Variants in MGRN1 observed in about 807,000 individuals in gnomAD.
The protein encoded by MGRN1 is E3 ubiquitin-protein ligase MGRN1.
In MGRN1, 29 loss-of-function variants were observed where a neutral mutation model predicts 69.2. The ratio of observed to expected loss-of-function variants is 0.42; its 90% confidence interval spans 0.31 to 0.57. The LOEUF is 0.57. MGRN1 is among the 20% of genes least tolerant of loss of function. The pLI, the probability that MGRN1 is intolerant of heterozygous loss-of-function variation, is 0.15. For missense variants in MGRN1, 998 were observed against 796.2 expected (o/e 1.25, Z -3.05); for synonymous variants, 470 against 344.2 (o/e 1.37, Z -4.04).
intron 1 of MGRN1, among the ~76,000 whole-genome samples, chr16:4,626,972 C>A (rs2141810666): frequency 6.6e-6 from 1 of 152,314 alleles, no homozygotes; most frequent in Admixed American, 6.5e-5. Flanking sequence ...TTCCCTGGGG[C>A]CTTGCAGATA....
At chr16:4,635,228 A>T (rs1056115472) in intron 1 of MGRN1, among the ~76,000 whole-genome samples, 1 of 151,984 alleles carries the variant, frequency 6.6e-6, no homozygotes. Flanking sequence ...CCTGGCCAAC[A>T]TGGCAAAACC....
intron 5 of MGRN1, chr16:4,664,364 T>C (rs1659480): frequency 0.49 from 160,787 of 325,658 alleles, 40,257 homozygotes; most frequent in East Asian, 0.65. Context: ...GAGGAGGGGA[T>C]GGGGAGTGTG....
chr16:4,668,684 ACT>A (rs769587294), intron 8 of MGRN1, among the ~76,000 whole-genome samples: 14 of 151,444 alleles, frequency 9.2e-5, no homozygotes, highest in East Asian at 1.9e-4. Flanking sequence ...ACATAGACAC[ACT>A]CGTACACATA....
chr16:4,669,436 A>AAAAAAAAAAAAG, intron 8 of MGRN1, among the ~76,000 whole-genome samples: 1 of 150,962 alleles, frequency 6.6e-6, no homozygotes, highest in Non-Finnish European at 1.5e-5. Context: ...TGTGTCAAAA[A>AAAAAAAAAAAAG]AAAAAAAAAA....
chr16:4,630,423 A>AT (rs1043797612), intron 1 of MGRN1, among the ~76,000 whole-genome samples: 1 of 149,974 alleles, frequency 6.7e-6, no homozygotes, highest in Non-Finnish European at 1.5e-5. Flanking sequence ...ATTTTCTCCT[A>AT]TTTTTTTCTA....
intron 1 of MGRN1, chr16:4,649,438 T>A (rs995312411): frequency 6.6e-6 from 1 of 152,106 alleles, no homozygotes; most frequent in Non-Finnish European, 1.5e-5. Flanking sequence ...GGAGGACTCT[T>A]CCTTACCTCT....
At chr16:4,665,619 A>G (rs897566528) in intron 7 of MGRN1, among the ~76,000 whole-genome samples, 3 of 146,410 alleles carry the variant, frequency 2.0e-5, no homozygotes, top group African/African-American at 5.1e-5. Flanking sequence ...TCCACCTGCC[A>G]CGGCCTCCCA....
At chr16:4,647,315 C>T (rs1337973204) in intron 1 of MGRN1, among the ~76,000 whole-genome samples, 6 of 152,210 alleles carry the variant, frequency 3.9e-5, no homozygotes, top group East Asian at 1.9e-4. Context: ...CCCTGAGGCA[C>T]GGGGTGCCTT....
intron 1 of MGRN1, among the ~76,000 whole-genome samples, chr16:4,629,514 G>A (rs1043075027): frequency 2.0e-5 from 3 of 152,172 alleles, no homozygotes; most frequent in Non-Finnish European, 4.4e-5. Context: ...GCCAAGGTGG[G>A]CGGATCATGA....
chr16:4,685,130 G>C lies in MGRN1; in HGVS notation c.1618+1198G>C, dbSNP rs562163121. Among the ~76,000 whole-genome samples, 5 of 152,366 alleles carry C rather than the reference G, an allele frequency of 3.3e-5. 1 individual carries two copies. In the South Asian group the frequency reaches 6.2e-4, roughly 19 times the overall value. On this transcript the variant is annotated intron_variant, in intron 16 of 16. Transcript: ENST00000262370. ...ACAGCAGAAGGTGTGTTTAGGACCA[G>C]CTTACCTTAAAGTGACACAGAATTC... is the stretch of plus-strand genomic sequence containing the variant.
At chr16:4,630,912 G>A (rs1034639251) in intron 1 of MGRN1, among the ~76,000 whole-genome samples, 1 of 151,240 alleles carries the variant, frequency 6.6e-6, no homozygotes, top group Non-Finnish European at 1.5e-5. Flanking sequence ...CCTGGCTCAG[G>A]TGATTCTCCC....
chr16:4,632,150 G>A (rs1003639746), intron 1 of MGRN1, among the ~76,000 whole-genome samples: 1 of 150,398 alleles, frequency 6.6e-6, no homozygotes, highest in Admixed American at 6.7e-5. Context: ...CTGTGTTGCT[G>A]GGACTACAGG....
chr16:4,640,458 A>G (rs1037870766), intron 1 of MGRN1: 1 of 152,216 alleles, frequency 6.6e-6, no homozygotes, highest in Non-Finnish European at 1.5e-5. Context: ...GGTTGCCCGG[A>G]CACCTGCAAG....
intron 1 of MGRN1, among the ~76,000 whole-genome samples, chr16:4,641,633 C>T (rs931092637): frequency 6.6e-6 from 1 of 151,912 alleles, no homozygotes; most frequent in African/African-American, 2.4e-5. Context: ...ATTCTCCTGC[C>T]TTAGCCTCCT....
intron 8 of MGRN1, among the ~76,000 whole-genome samples, chr16:4,669,431 CAAAA>C (rs58001283): frequency 1.5e-4 from 14 of 93,010 alleles, no homozygotes; most frequent in Admixed American, 3.6e-4. Context: ...AAGACTGTGT[CAAAA>C]AAAAAAAAAA....
intron 1 of MGRN1, chr16:4,649,556 T>G (rs2078355234): frequency 6.6e-6 from 1 of 152,292 alleles, no homozygotes; most frequent in Admixed American, 6.5e-5. Flanking sequence ...CAAGTCTGCG[T>G]CCAAACCTCC....
At position 4,653,302 on chromosome 16, in the gene MGRN1, AG is replaced by A. The variant is rs2078449265; in HGVS notation, c.443+482del. 5.9e-5 allele frequency among the ~76,000 whole-genome samples: 9 copies of A among 152,210 alleles called. No homozygotes were observed. In the South Asian group the frequency reaches 1.9e-3, roughly 32 times the overall value. The stretch of plus-strand genomic sequence containing the variant: ...GGTTCACAGGGTGAGGTGTGGGGGA[AG>A]GGGTGGGGCGCACCACCTTCCTCGT... On this transcript the variant is annotated intron_variant, in intron 4 of 16. Transcript: ENST00000262370.
At chr16:4,635,648 T>C (rs1898245472) in intron 1 of MGRN1, among the ~76,000 whole-genome samples, 1 of 151,482 alleles carries the variant, frequency 6.6e-6, no homozygotes, top group African/African-American at 2.4e-5. Context: ...TTTTTCTTTT[T>C]TTTTGAGACA....
chr16:4,676,021 G>T (rs560887489), intron 10 of MGRN1, among the ~76,000 whole-genome samples: 1 of 152,232 alleles, frequency 6.6e-6, no homozygotes, highest in Non-Finnish European at 1.5e-5. Flanking sequence ...TTGGGGATTT[G>T]CCTGCGCAGC....
Sources: gnomAD v4.1 joint callset for allele counts (sites outside exome capture counted in the v4.1 genomes callset) on GRCh38, gnomAD v4.1.1 for gene constraint, MANE v1.5 for transcripts, NCBI Gene and HGNC (gene_info 2026-07-23, HGNC 2026-07-21) for gene names.